Variants in PINX1 observed in about 807,000 individuals in gnomAD.
PINX1 encodes PIN2/TERF1-interacting telomerase inhibitor 1.
In PINX1, 34 loss-of-function variants were observed where a neutral mutation model predicts 25.4. The ratio of observed to expected loss-of-function variants is 1.34; its 90% CI spans 1.02 to 1.78. The LOEUF (loss-of-function observed/expected upper bound fraction) is 1.78. Among genes scored for constraint, PINX1 ranks in the 40% most tolerant of loss-of-function variants. The pLI is 0.00. For missense variants in PINX1, 592 were observed against 404.9 expected, an observed-to-expected ratio of 1.46 and a Z score of -3.97; for synonymous variants, 197 against 147.7, an observed-to-expected ratio of 1.33 and a Z score of -2.42.
At chr8:10,814,313 C>T (rs995790656) in intron 6 of PINX1, among the ~76,000 whole-genome samples, 1 of 152,178 alleles carries the variant, frequency 6.6e-6, no homozygotes, top group African/African-American at 2.4e-5. Context: ...GATCTTTCAC[C>T]ATTGAAGCAA....
chr8:10,806,415 CTGTT>C (rs112523436), intron 6 of PINX1, among the ~76,000 whole-genome samples: 24,364 of 152,094 alleles, frequency 0.16, 2,424 homozygotes, highest in Non-Finnish European at 0.23. Context: ...TTTGTGTTTT[CTGTT>C]TGTGTTTTAA....
intron 6 of PINX1, among the ~76,000 whole-genome samples, chr8:10,772,026 G>GA (rs1386970956): frequency 1.3e-5 from 2 of 152,126 alleles, no homozygotes; most frequent in African/African-American, 4.8e-5. Flanking sequence ...AAGTCAATTG[G>GA]AAAAAAGCAA....
rs138775832 is a variant in PINX1 at position 10,824,431 on chromosome 8, G to A, written c.394+1721C>T. Among the ~76,000 whole-genome samples, 361 of 152,194 alleles carry A rather than the reference G, an allele frequency of 2.4e-3. 2 individuals carry two copies. Among genetic ancestry groups the A allele is most frequent in the African/African-American group, 8.3e-3 (344 of 41,502 alleles). On this transcript the variant is annotated intron_variant, in intron 5 of 6. Transcript: ENST00000314787. Reference sequence around the variant, plus strand: ...CCCGTCTCCACTCCAGCTCTTCTCTGCAATCTGACAATAGATCCGAGAATC... The same window carrying A: ...CCCGTCTCCACTCCAGCTCTTCTCTACAATCTGACAATAGATCCGAGAATC...
At chr8:10,782,450 C>G (rs1268671596) in intron 6 of PINX1, among the ~76,000 whole-genome samples, 1 of 151,444 alleles carries the variant, frequency 6.6e-6, no homozygotes, top group Non-Finnish European at 1.5e-5. Context: ...TTTAAGTACT[C>G]AGAGGCCAGG....
intron 6 of PINX1, among the ~76,000 whole-genome samples, chr8:10,800,838 T>C (rs1802243482): frequency 6.6e-6 from 1 of 152,216 alleles, no homozygotes; most frequent in South Asian, 2.1e-4. Context: ...CTCTTCTCTT[T>C]GCTTTCCCAC....
In PINX1 at chr8:10,765,744, C is replaced by T; in HGVS notation, c.644G>A (p.Arg215Lys). Reference protein sequence around the residue: ...TQVERKRGKKRNKEATGKDVE... With the variant: ...TQVERKRGKKKNKEATGKDVE... Reference sequence around the variant, plus strand: ...ATCTTTACCTGTGGCCTCTTTATTTCTTTTCTTCCCCCTTTTACGTTCCAC... The same window carrying T: ...ATCTTTACCTGTGGCCTCTTTATTTTTTTTCTTCCCCCTTTTACGTTCCAC... Residue 215 changes from arginine to lysine, a missense_variant, in exon 7 of 7, where the codon AGA becomes AAA. Transcript: ENST00000314787. 2 of 1,614,000 alleles carry T rather than the reference C, an allele frequency of 1.2e-6. No individual in the cohort carries two copies. The highest frequency in any genetic ancestry group is 1.7e-6 in the Non-Finnish European group (2 of 1,179,886).
At chr8:10,823,175 C>T (rs1797927618) in intron 5 of PINX1, among the ~76,000 whole-genome samples, 2 of 152,120 alleles carry the variant, frequency 1.3e-5, no homozygotes, top group Admixed American at 6.5e-5. Context: ...AACTGAGGGG[C>T]GGGGCTGACT....
At chr8:10,800,878 C>A (rs530529756) in intron 6 of PINX1, among the ~76,000 whole-genome samples, 1 of 152,316 alleles carries the variant, frequency 6.6e-6, no homozygotes, top group East Asian at 1.9e-4. Context: ...TCCAGGCGCT[C>A]AGCTTACAGG....
At chr8:10,817,852 T>C (rs932821609) in intron 6 of PINX1, among the ~76,000 whole-genome samples, 16 of 152,336 alleles carry the variant, frequency 1.1e-4, no homozygotes, top group South Asian at 4.1e-4. Context: ...TACAGCTGCA[T>C]GGCAGGCTAT....
intron 2 of PINX1, 166 bp downstream of exon 2, chr8:10,834,500 C>T: frequency 1.0e-6 from 1 of 1,003,146 alleles, no homozygotes. Flanking sequence ...CACTTATGTC[C>T]AATCCTAATT....
At chr8:10,828,338 G>T (rs1262504768) in intron 4 of PINX1, among the ~76,000 whole-genome samples, 1 of 152,192 alleles carries the variant, frequency 6.6e-6, no homozygotes, top group Non-Finnish European at 1.5e-5. Flanking sequence ...TCAGCTTAAA[G>T]CGGCTCCTAC....
chr8:10,821,614 A>G (rs934450646), intron 5 of PINX1, among the ~76,000 whole-genome samples: 1 of 152,346 alleles, frequency 6.6e-6, no homozygotes, highest in Admixed American at 6.5e-5. Flanking sequence ...GAAAGTGGGG[A>G]AGAAAACTGG....
intron 6 of PINX1, among the ~76,000 whole-genome samples, chr8:10,766,217 C>T (rs771863663): frequency 5.9e-5 from 9 of 152,192 alleles, no homozygotes; most frequent in African/African-American, 1.7e-4. Context: ...CAAGCCGCCT[C>T]GATGGAATTC....
At chr8:10,795,054 G>C (rs540981183) in intron 6 of PINX1, among the ~76,000 whole-genome samples, 1 of 152,286 alleles carries the variant, frequency 6.6e-6, no homozygotes, top group South Asian at 2.1e-4. Context: ...CATCTAGAAA[G>C]TGGGTATGCA....
At chr8:10,804,474 G>A (rs1011137852) in intron 6 of PINX1, among the ~76,000 whole-genome samples, 2 of 152,126 alleles carry the variant, frequency 1.3e-5, no homozygotes, top group African/African-American at 4.8e-5. Context: ...CTGGGCAAGG[G>A]TCTGGTGTGT....
chr8:10,771,010 C>T (rs71516595), intron 6 of PINX1, among the ~76,000 whole-genome samples: 1 of 152,106 alleles, frequency 6.6e-6, no homozygotes, highest in Non-Finnish European at 1.5e-5. Flanking sequence ...ATGGCTATTG[C>T]CTGTGATGAA....
At chr8:10,775,410 G>GGTTTTTTTTTTT (rs1563203196) in intron 6 of PINX1, among the ~76,000 whole-genome samples, 1 of 109,594 alleles carries the variant, frequency 9.1e-6, no homozygotes, top group Non-Finnish European at 1.9e-5. Context: ...CTGTTTTGTG[G>GGTTTTTTTTTTT]TTTTTTTTTT....
intron 6 of PINX1, among the ~76,000 whole-genome samples, chr8:10,813,739 G>C (rs1042636597): frequency 6.6e-6 from 1 of 152,116 alleles, no homozygotes; most frequent in Non-Finnish European, 1.5e-5. Flanking sequence ...ATTTTGCCAG[G>C]AGCCCATGCC....
intron 6 of PINX1, among the ~76,000 whole-genome samples, chr8:10,808,672 G>C (rs775104889): frequency 6.6e-6 from 1 of 152,192 alleles, no homozygotes; most frequent in Non-Finnish European, 1.5e-5. Flanking sequence ...ACGCAATGTG[G>C]ACCAGAAGCT....
Sources: gnomAD v4.1 joint callset for allele counts (sites outside exome capture counted in the v4.1 genomes callset) on GRCh38, gnomAD v4.1.1 for gene constraint, MANE v1.5 for transcripts, NCBI Gene and HGNC (gene_info 2026-07-23, HGNC 2026-07-21) for gene names.